The following TGFBR3 variants were observed in gnomAD, a reference collection of about 807,000 sequenced individuals.
TGFBR3 encodes transforming growth factor beta receptor type 3.
In TGFBR3, 46 loss-of-function variants were observed where a neutral mutation model predicts 87.9. That is an observed-to-expected ratio of 0.52 (90% CI 0.41 to 0.67). TGFBR3 has a LOEUF of 0.67. TGFBR3 is among the 30% of genes least tolerant of loss of function. The pLI, the probability that TGFBR3 is intolerant of heterozygous loss-of-function variation, is 0.00. For synonymous variants in TGFBR3, 381 were observed against 391.6 expected (o/e 0.97, Z 0.32); for missense variants, 866 against 1,041.9 (o/e 0.83, Z 2.32).
chr1:91,746,117 C>T (rs549582930), intron 4 of TGFBR3, among the ~76,000 whole-genome samples: 51 of 152,264 alleles, frequency 3.3e-4, no homozygotes, highest in Admixed American at 7.2e-4. Flanking sequence ...TGTTTACACA[C>T]GTCCAAGAGG....
chr1:91,768,383 TC>T lies in TGFBR3; in HGVS notation c.247-9634del, dbSNP rs1264949524. Among the ~76,000 whole-genome samples, 3 of 152,186 alleles carry T rather than the reference TC, an allele frequency of 2.0e-5. No homozygotes were observed. The East Asian group carries it at 5.8e-4, about 29-fold the overall frequency. ...GTATTTTTATCACCTTAGAACCTTG[TC>T]CAGTATCTAGCACTTACAGGAATTA... is the stretch of plus-strand genomic sequence containing the variant. On this transcript the variant is annotated intron_variant, in intron 3 of 16. Transcript: ENST00000212355.
At chr1:91,883,266 A>C (rs1407752335) in intron 1 of TGFBR3, among the ~76,000 whole-genome samples, 1 of 152,094 alleles carries the variant, frequency 6.6e-6, no homozygotes, top group Non-Finnish European at 1.5e-5. Context: ...CAGCCTCCCA[A>C]AGTGTTGGAA....
At chr1:91,683,980 G>T in intron 16 of TGFBR3, 123 bp from the exon 17 acceptor site, 1 of 835,532 alleles carries the variant, frequency 1.2e-6, no homozygotes, top group Non-Finnish European at 1.9e-6. Context: ...CAGGGCAGAA[G>T]CAACTAGACT....
chr1:91,742,063 C>T (rs1371924862), intron 4 of TGFBR3, among the ~76,000 whole-genome samples: 2 of 152,164 alleles, frequency 1.3e-5, no homozygotes, highest in Admixed American at 6.5e-5. Flanking sequence ...GGTCTTTTTA[C>T]ACCCTGCACC....
intron 2 of TGFBR3, among the ~76,000 whole-genome samples, chr1:91,826,596 A>T (rs1571549015): frequency 6.6e-6 from 1 of 152,156 alleles, no homozygotes. Context: ...TGTTTGAAGG[A>T]GCAAACCGAT....
chr1:91,823,886 T>C (rs988411723), intron 2 of TGFBR3, among the ~76,000 whole-genome samples: 8 of 152,180 alleles, frequency 5.3e-5, no homozygotes, highest in African/African-American at 1.9e-4. Context: ...TCCCAAAACT[T>C]TGGGAGGCCA....
rs1465013405 is a variant in TGFBR3, at chr1:91,683,715, T to C, written c.*24A>G. The C allele has an allele frequency of 5.4e-6, 8 of 1,488,516 alleles. No individual in the cohort carries two copies. The highest frequency in any genetic ancestry group is 7.2e-6 in the Non-Finnish European group (8 of 1,114,772). 92.2% of individuals were successfully genotyped at this position (1,488,516 alleles called of 1,614,324 possible). Reference sequence around the variant, plus strand: ...TGAGCTGAGCTGGGCTGGGCTGGGTTGGGCCGGGTTGGGCTGGGTTGGGCT... The same window carrying C: ...TGAGCTGAGCTGGGCTGGGCTGGGTCGGGCCGGGTTGGGCTGGGTTGGGCT... On this transcript the variant is annotated 3_prime_UTR_variant, in exon 17 of 17. Coordinates refer to ENST00000212355, the MANE Select transcript of TGFBR3 (RefSeq NM_003243.5).
chr1:91,761,157 C>T (rs540732899), intron 3 of TGFBR3, among the ~76,000 whole-genome samples: 3 of 152,296 alleles, frequency 2.0e-5, no homozygotes, highest in Non-Finnish European at 2.9e-5. Context: ...GCAGAAGTTT[C>T]GGTCAAAATA....
At chr1:91,760,229 T>C (rs1333164634) in intron 3 of TGFBR3, among the ~76,000 whole-genome samples, 1 of 152,206 alleles carries the variant, frequency 6.6e-6, no homozygotes, top group Non-Finnish European at 1.5e-5. Flanking sequence ...GAGACCAGCC[T>C]GGCCAACATG....
rs562528492 is a variant in TGFBR3 at position 91,767,597 on chromosome 1, T to A, written c.247-8847A>T. 7.6e-5 allele frequency among the ~76,000 whole-genome samples: 10 copies of A among 132,338 alleles called. 3 individuals are homozygous for A. The highest frequency in any genetic ancestry group is 2.8e-4 in the African/African-American group (10 of 35,144). 86.8% of individuals were successfully genotyped at this position (132,338 alleles called of 152,430 possible). ...CCCATCTTAAAGGTAAAGAAATTGG[T>A]GTTCTTGCCAAAGTCATATGGCTAG... On this transcript the variant is annotated intron_variant, in intron 3 of 16. Coordinates refer to ENST00000212355, the MANE Select transcript of TGFBR3 (RefSeq NM_003243.5).
At chr1:91,846,901 T>C (rs1265256655) in intron 2 of TGFBR3, among the ~76,000 whole-genome samples, 1 of 152,036 alleles carries the variant, frequency 6.6e-6, no homozygotes, top group African/African-American at 2.4e-5. Flanking sequence ...CATAAACACA[T>C]TTTTGGGAGG....
intron 3 of TGFBR3, among the ~76,000 whole-genome samples, chr1:91,789,501 A>G (rs1264840836): frequency 1.3e-5 from 2 of 152,188 alleles, no homozygotes; most frequent in Admixed American, 6.5e-5. Context: ...GCATCTGGAT[A>G]TTACTGTGAC....
chr1:91,743,164 C>A (rs1487894503), intron 4 of TGFBR3, among the ~76,000 whole-genome samples: 1 of 152,164 alleles, frequency 6.6e-6, no homozygotes, highest in Non-Finnish European at 1.5e-5. Context: ...AGGTTCTTTG[C>A]TTTAGCACTT....
At chr1:91,810,176 G>A (rs886942065) in intron 2 of TGFBR3, among the ~76,000 whole-genome samples, 9 of 151,968 alleles carry the variant, frequency 5.9e-5, no homozygotes, top group African/African-American at 1.5e-4. Context: ...CTCCCACCTC[G>A]GCCTCCCGAA....
chr1:91,849,695 C>G (rs532522006), intron 2 of TGFBR3, among the ~76,000 whole-genome samples: 1 of 152,280 alleles, frequency 6.6e-6, no homozygotes, highest in South Asian at 2.1e-4. Flanking sequence ...TACTATCTCT[C>G]CAACACTTGG....
intron 2 of TGFBR3, among the ~76,000 whole-genome samples, chr1:91,799,859 G>A (rs762495182): frequency 1.3e-5 from 2 of 152,094 alleles, no homozygotes; most frequent in African/African-American, 2.4e-5. Flanking sequence ...AAATAATAAG[G>A]TACTCCCAAA....
At chr1:91,893,360 C>G (rs1210973772) in intron 2 of TGFBR3, among the ~76,000 whole-genome samples, 1 of 152,002 alleles carries the variant, frequency 6.6e-6, no homozygotes. Context: ...TCTCGGCCCA[C>G]TACAACCTTC....
intron 16 of TGFBR3, among the ~76,000 whole-genome samples, chr1:91,690,327 G>A (rs893177814): frequency 6.6e-6 from 1 of 152,132 alleles, no homozygotes; most frequent in African/African-American, 2.4e-5. Context: ...TCTCTTAAGA[G>A]GAGGAAACTG....
chr1:91,774,979 G>C (rs1385822366), intron 3 of TGFBR3, among the ~76,000 whole-genome samples: 2 of 152,180 alleles, frequency 1.3e-5, no homozygotes. Context: ...TGAGAAAGGA[G>C]ATTTTACAGA....
Sources: gnomAD v4.1 joint callset for allele counts (sites outside exome capture counted in the v4.1 genomes callset) on GRCh38, gnomAD v4.1.1 for gene constraint, MANE v1.5 for transcripts, NCBI Gene and HGNC (gene_info 2026-07-23, HGNC 2026-07-21) for gene names.